Variants in FTCD observed in about 807,000 individuals in gnomAD.
The protein encoded by FTCD is formimidoyltransferase cyclodeaminase, also known as formimidoyltransferase-cyclodeaminase.
FTCD carries 76 observed loss-of-function variants against 62.9 expected under a neutral mutation model. The ratio of observed to expected loss-of-function variants is 1.21; its 90% CI spans 1.00 to 1.46. The LOEUF is 1.46. Ranked by LOEUF, FTCD falls within the 40% of genes most tolerant of loss-of-function variation. The pLI, the probability that FTCD is intolerant of heterozygous loss-of-function variation, is 0.00. For synonymous variants in FTCD, 397 were observed against 336.9 expected (o/e 1.18, Z -1.95); for missense variants, 845 against 751.3 (o/e 1.12, Z -1.46).
intron 12 of FTCD, 22 bp downstream of exon 12, chr21:46,138,486 G>T: frequency 6.4e-7 from 1 of 1,572,362 alleles, no homozygotes; most frequent in East Asian, 2.3e-5. Flanking sequence ...CAGGAGGCCT[G>T]GGGTCCCCCG....
intron 8 of FTCD, 138 bp downstream of exon 8, chr21:46,146,128 G>C (rs1244808738): frequency 6.5e-6 from 5 of 769,588 alleles, no homozygotes; most frequent in Non-Finnish European, 8.7e-6. Context: ...CCCCGGCTTG[G>C]CGCAGGCCGA....
In FTCD at chr21:46,151,819, C is replaced by T. The variant is rs969403077; in HGVS notation, c.456+73G>A. On this transcript the variant is annotated intron_variant, in intron 4 of 13. Coordinates refer to ENST00000397746, the MANE Select transcript of FTCD (RefSeq NM_206965.2). ...GGGGTCCCGGGAAGGAGGGGCCCGG[C>T]CCAGCCACCCCAGCCAGGACAAAGG... 17 of 1,565,092 alleles carry T rather than the reference C, an allele frequency of 1.1e-5. No homozygotes were observed. In the African/African-American group the frequency reaches 2.0e-4, roughly 19 times the overall value.
chr21:46,150,066 C>T (rs558104383), intron 7 of FTCD, 53 bp downstream of exon 7: 2 of 1,380,420 alleles, frequency 1.4e-6, no homozygotes, highest in South Asian at 1.2e-5. Flanking sequence ...GCCACCGCCT[C>T]CCCACCCTCC....
In FTCD at chr21:46,136,838, C is replaced by T. The variant is rs963693341; in HGVS notation, c.*149G>A. 2.6e-5 allele frequency: 41 copies of T among 1,550,556 alleles called. No individual in the cohort carries two copies. Among genetic ancestry groups the T allele is most frequent in the South Asian group, 1.7e-4 (14 of 84,060 alleles). ...ACTAGGGGCCTTCTGTCCCTGCCAG[C>T]GCCTCCATTCCCAGGCGATGCCCCG... is the stretch of plus-strand genomic sequence containing the variant. On this transcript the variant is annotated 3_prime_UTR_variant, in exon 14 of 14. Coordinates refer to ENST00000397746, the MANE Select transcript of FTCD (RefSeq NM_206965.2).
At chr21:46,137,418 A>T in intron 12 of FTCD, 84 bp from the exon 13 acceptor site, 1 of 1,063,912 alleles carries the variant, frequency 9.4e-7, no homozygotes, top group Non-Finnish European at 1.5e-6. Context: ...GGGCTCTGGG[A>T]CAGGCCGGAC....
At chr21:46,141,489 G>A (rs1416621742) in intron 10 of FTCD, among the ~76,000 whole-genome samples, 2 of 152,012 alleles carry the variant, frequency 1.3e-5, no homozygotes, top group African/African-American at 2.4e-5. Flanking sequence ...GTCTTCAAAT[G>A]CCTGTCCGGG....
At chr21:46,146,910 G>C (rs1422129674) in intron 7 of FTCD, 1 of 153,538 alleles carries the variant, frequency 6.5e-6, no homozygotes, top group Admixed American at 6.4e-5. Flanking sequence ...GACAGCAGCC[G>C]GGCGGGGTGG....
intron 10 of FTCD, among the ~76,000 whole-genome samples, chr21:46,145,119 A>G (rs571561300): frequency 1.3e-5 from 2 of 152,294 alleles, no homozygotes; most frequent in African/African-American, 4.8e-5. Context: ...GGGGTCCCCC[A>G]AGCCTGGGCT....
chr21:46,152,049 G>A, intron 3 of FTCD, 69 bp from the exon 4 acceptor site: 1 of 1,120,790 alleles, frequency 8.9e-7, no homozygotes, highest in Non-Finnish European at 1.3e-6. Context: ...GGAGGACGCA[G>A]GTGGAGGGGC....
intron 3 of FTCD, chr21:46,152,199 G>A (rs749105935): frequency 4.3e-5 from 23 of 529,760 alleles, no homozygotes; most frequent in Admixed American, 2.1e-4. Context: ...TCCTCAGAGG[G>A]CCCTGAAAAG....
At position 46,137,196 on chromosome 21, in the gene FTCD, G is replaced by GC. The variant is rs750376288; in HGVS notation, c.1539+42dup. 6 of 1,579,366 alleles carry GC rather than the reference G, an allele frequency of 3.8e-6. No homozygotes were observed. In the East Asian group the frequency reaches 1.3e-4, roughly 35 times the overall value. On this transcript the variant is annotated intron_variant, in intron 13 of 13. Coordinates refer to ENST00000397746, the MANE Select transcript of FTCD (RefSeq NM_206965.2). ...AATCACCCTGAGGCTGTGAATCCAGGCCCCCACGTGGGGTCCGGGCACCAC... is the reference window on the plus strand; with the variant it reads ...AATCACCCTGAGGCTGTGAATCCAGGCCCCCCACGTGGGGTCCGGGCACCAC...
intron 10 of FTCD, among the ~76,000 whole-genome samples, chr21:46,141,253 A>T (rs780588486): frequency 5.3e-5 from 8 of 151,626 alleles, no homozygotes; most frequent in Non-Finnish European, 1.0e-4. Flanking sequence ...CCCCCACTTA[A>T]GCCTCCTGAG....
rs959049799 is a variant in FTCD at position 46,145,583 on chromosome 21, G to A, written c.1099-5C>T. 14 of 1,531,972 alleles carry A rather than the reference G, an allele frequency of 9.1e-6. No homozygotes were observed. The highest frequency in any genetic ancestry group is 2.8e-5 in the African/African-American group (2 of 72,526). 94.9% of individuals were successfully genotyped at this position (1,531,972 alleles called of 1,614,324 possible). A position where few individuals can be genotyped will look rare whatever the true frequency, so the allele number is the denominator to read the frequency against. On this transcript the variant is annotated splice_polypyrimidine_tract_variant and splice_region_variant and intron_variant, in intron 9 of 13. Coordinates refer to ENST00000397746, the MANE Select transcript of FTCD (RefSeq NM_206965.2). ...CATGGAGCCCAGCGCCGCACCCTGCGAGAGGGGTGGATGTGGGGGTCGCAG... is the reference window on the plus strand; with the variant it reads ...CATGGAGCCCAGCGCCGCACCCTGCAAGAGGGGTGGATGTGGGGGTCGCAG...
At chr21:46,139,110 G>T (rs76134357) in intron 10 of FTCD, 187 bp from the exon 11 acceptor site, 9 of 633,352 alleles carry the variant, frequency 1.4e-5, no homozygotes, top group East Asian at 8.2e-5. Context: ...AGCAGGGTAG[G>T]GGGGGTCGGG....
chr21:46,149,631 C>T (rs545241993), intron 7 of FTCD, among the ~76,000 whole-genome samples: 6 of 152,358 alleles, frequency 3.9e-5, no homozygotes, highest in Middle Eastern at 3.4e-3. Context: ...GACGCTGCCA[C>T]ACCCCAGCAG....
intron 3 of FTCD, 66 bp from the exon 4 acceptor site, chr21:46,152,046 G>T: frequency 2.6e-6 from 3 of 1,145,090 alleles, no homozygotes; most frequent in East Asian, 2.6e-5. Context: ...CCTGGAGGAC[G>T]CAGGTGGAGG....
In FTCD at chr21:46,154,354, C is replaced by A. The variant is rs766447698; in HGVS notation, c.55-22G>T. The A allele has an allele frequency of 2.5e-6, 4 of 1,602,540 alleles. No homozygotes were observed. The Admixed American group carries it at 6.8e-5, about 27-fold the overall frequency. ...TCACCTGGGACACAGGCCCGGCCCC[C>A]ACACCTCAGTCTCCCCGTTTGAAAG... On this transcript the variant is annotated intron_variant, in intron 1 of 13. Transcript: ENST00000397746.
intron 2 of FTCD, among the ~76,000 whole-genome samples, chr21:46,153,237 G>T (rs1159948792): frequency 6.6e-6 from 1 of 152,202 alleles, no homozygotes. Context: ...AGCCCTCCCG[G>T]GACAACGGAA....
chr21:46,136,804 T>C lies in FTCD; in HGVS notation c.*183A>G. The C allele has an allele frequency of 1.3e-6, 2 of 1,534,410 alleles. No homozygotes were observed. The highest frequency in any genetic ancestry group is 2.5e-5 in the East Asian group (1 of 40,678). ...TTTGGTGCCAAAACTTTACTGGAGG[T>C]CACATGGGACTAGGGGCCTTCTGTC... On this transcript the variant is annotated 3_prime_UTR_variant, in exon 14 of 14. Coordinates refer to ENST00000397746, the MANE Select transcript of FTCD (RefSeq NM_206965.2).
Sources: gnomAD v4.1 joint callset for allele counts (sites outside exome capture counted in the v4.1 genomes callset) on GRCh38, gnomAD v4.1.1 for gene constraint, MANE v1.5 for transcripts, NCBI Gene and HGNC (gene_info 2026-07-23, HGNC 2026-07-21) for gene names.